The following FBRSL1 variants were observed in gnomAD, a reference collection of about 807,000 sequenced individuals.
The protein encoded by FBRSL1 is fibrosin like 1.
A neutral mutation model predicts 89.6 loss-of-function variants in FBRSL1; 51 were observed. The ratio of observed to expected loss-of-function variants is 0.57; its 90% CI spans 0.45 to 0.72. FBRSL1 has a LOEUF of 0.72. Ranked by LOEUF, FBRSL1 falls within the 30% of genes least tolerant of loss-of-function variation. The probability of loss-of-function intolerance (pLI) is 0.00; values close to 1 mark genes in which losing one functional copy is unlikely to be tolerated. For missense variants in FBRSL1, 1,618 were observed against 1,451.8 expected, an observed-to-expected ratio of 1.11 and a Z score of -1.86; for synonymous variants, 779 against 681.1, an observed-to-expected ratio of 1.14 and a Z score of -2.24.
chr12:132,523,653 C>T (rs2035550189), intron 2 of FBRSL1, among the ~76,000 whole-genome samples: 1 of 152,214 alleles, frequency 6.6e-6, no homozygotes, highest in Admixed American at 6.5e-5. Context: ...GGCAGCCTTT[C>T]CCATCGCTGC....
At chr12:132,496,192 G>A (rs1010860142) in intron 1 of FBRSL1, among the ~76,000 whole-genome samples, 2 of 152,248 alleles carry the variant, frequency 1.3e-5, no homozygotes, top group Admixed American at 1.3e-4. Flanking sequence ...GCACAGTCCT[G>A]CAGCAGGGAG....
In FBRSL1 at chr12:132,528,046, C is replaced by A. The variant is rs996385236; in HGVS notation, c.615+58C>A. ...TCCCCCTGGGGCCTTAGGACCAGGT[C>A]CCCACCTCACCTGTCCGAGGCCCCA... On this transcript the variant is annotated intron_variant, in intron 4 of 18. Coordinates refer to ENST00000680143, the MANE Select transcript of FBRSL1 (RefSeq NM_001367871.1). 3.0e-4 allele frequency: 429 copies of A among 1,430,320 alleles called. No homozygotes were observed. Among genetic ancestry groups the A allele is most frequent in the East Asian group, 1.0e-3 (42 of 40,330 alleles). 88.6% of individuals were successfully genotyped at this position (1,430,320 alleles called of 1,614,324 possible).
intron 2 of FBRSL1, chr12:132,509,117 C>G: frequency 1.7e-6 from 2 of 1,186,020 alleles, no homozygotes; most frequent in Non-Finnish European, 2.1e-6. Context: ...GGGGGTTCCG[C>G]GGGCGGTGAC....
At chr12:132,567,595 C>A in intron 6 of FBRSL1, 69 bp downstream of exon 6, 1 of 1,459,440 alleles carries the variant, frequency 6.9e-7, no homozygotes, top group Non-Finnish European at 9.4e-7. Flanking sequence ...GTCTTGGCGG[C>A]AGGACATCCC....
intron 4 of FBRSL1, among the ~76,000 whole-genome samples, chr12:132,547,356 C>T (rs1017799373): frequency 2.0e-5 from 3 of 152,136 alleles, no homozygotes; most frequent in Non-Finnish European, 4.4e-5. Flanking sequence ...AAACGGAGAA[C>T]GGATTTGTTT....
intron 5 of FBRSL1, among the ~76,000 whole-genome samples, chr12:132,549,621 T>C (rs1391779396): frequency 6.6e-6 from 1 of 152,164 alleles, no homozygotes; most frequent in Non-Finnish European, 1.5e-5. Flanking sequence ...TGGGGCCTAC[T>C]GGGGGCTCCC....
rs1040790047 is a variant in FBRSL1 at position 132,583,316 on chromosome 12, C to T, written c.2547C>T (p.Gly849=). The T allele has an allele frequency of 1.0e-5, 12 of 1,192,896 alleles. No individual in the cohort carries two copies. Among genetic ancestry groups the T allele is most frequent in the Middle Eastern group, 7.0e-4 (2 of 2,874 alleles). 73.9% of individuals were successfully genotyped at this position (1,192,896 alleles called of 1,614,324 possible). The change falls in exon 19 of 19, where the codon GGC becomes GGT. Residue 849 remains glycine (G), a synonymous_variant. Coordinates refer to ENST00000680143, the MANE Select transcript of FBRSL1 (RefSeq NM_001367871.1). The part of the protein sequence containing the change: ...GLGRERLGAP[G]FAWEPFRGLE... ...GCCGCGAGCGCCTGGGCGCGCCGGG[C>T]TTCGCGTGGGAGCCTTTCCGCGGCC...
chr12:132,512,541 C>T (rs893920511), intron 2 of FBRSL1, among the ~76,000 whole-genome samples: 8 of 152,210 alleles, frequency 5.3e-5, no homozygotes, highest in Admixed American at 5.2e-4. Flanking sequence ...GCTGAAGTTG[C>T]CTTCAGACGT....
intron 2 of FBRSL1, among the ~76,000 whole-genome samples, chr12:132,522,842 T>C (rs1473725681): frequency 6.6e-6 from 1 of 151,854 alleles, no homozygotes; most frequent in Admixed American, 6.6e-5. Context: ...CTCCCCGGCC[T>C]GCGCTGCCTT....
At chr12:132,558,496 C>T (rs1049215821) in intron 5 of FBRSL1, among the ~76,000 whole-genome samples, 6 of 152,244 alleles carry the variant, frequency 3.9e-5, no homozygotes, top group Non-Finnish European at 5.9e-5. Flanking sequence ...AAGCGCGTGC[C>T]GTTTTCATGG....
At chr12:132,576,964 A>G in intron 15 of FBRSL1, 33 bp downstream of exon 15, 1 of 1,538,016 alleles carries the variant, frequency 6.5e-7, no homozygotes, top group Non-Finnish European at 8.8e-7. Context: ...TGGGGGGCAC[A>G]GAAACCTCCC....
At chr12:132,531,002 G>GC (rs1249000414) in intron 4 of FBRSL1, among the ~76,000 whole-genome samples, 1 of 150,554 alleles carries the variant, frequency 6.6e-6, no homozygotes, top group Non-Finnish European at 1.5e-5. Context: ...TGTGGGGGGG[G>GC]GGGTGCAGGT....
intron 2 of FBRSL1, among the ~76,000 whole-genome samples, chr12:132,512,854 C>T (rs982949122): frequency 6.6e-6 from 1 of 152,184 alleles, no homozygotes; most frequent in Non-Finnish European, 1.5e-5. Context: ...AGAGGACACC[C>T]GTGGAGGAAA....
At chr12:132,549,987 C>T (rs1410796904) in intron 5 of FBRSL1, among the ~76,000 whole-genome samples, 2 of 152,098 alleles carry the variant, frequency 1.3e-5, no homozygotes, top group African/African-American at 2.4e-5. Flanking sequence ...CAGCTCTGGG[C>T]GGTGTCGGGG....
At position 132,490,836 on chromosome 12, in the gene FBRSL1, G is replaced by T; in HGVS notation, c.266G>T (p.Ser89Ile). The change falls in exon 1 of 19, where the codon AGC (serine) becomes ATC (isoleucine). Residue 89 changes from serine (S) to isoleucine (I), a missense_variant. Physicochemically the swap from Ser to Ile is moderately radical, Grantham distance 142. Transcript: ENST00000680143. ...GTCATCGACGGCTTCGCCATCGCCA[G>T]CTTCAGCACCCTGGAGGCCCTGGAG... ...EEVIDGFAIA[S>I]FSTLEALEKD... is the part of the protein sequence containing the mutation. 1 of 1,416,204 alleles carries T rather than the reference G, an allele frequency of 7.1e-7. No individual in the cohort carries two copies. Among genetic ancestry groups the T allele is most frequent in the African/African-American group, 1.5e-5 (1 of 66,932 alleles). 87.7% of individuals were successfully genotyped at this position (1,416,204 alleles called of 1,614,324 possible).
chr12:132,498,928 T>G (rs113452258), intron 1 of FBRSL1, among the ~76,000 whole-genome samples: 195 of 152,320 alleles, frequency 1.3e-3, no homozygotes, highest in Non-Finnish European at 2.0e-3. Context: ...CCCAGCCAGG[T>G]CCCGTGGCCA....
intron 5 of FBRSL1, among the ~76,000 whole-genome samples, chr12:132,561,852 G>T (rs1378471043): frequency 6.6e-6 from 1 of 152,200 alleles, no homozygotes; most frequent in Non-Finnish European, 1.5e-5. Context: ...TCAGTGCCTG[G>T]TTCATGGCTG....
intron 14 of FBRSL1, among the ~76,000 whole-genome samples, chr12:132,575,713 C>T (rs931894079): frequency 3.3e-5 from 5 of 152,266 alleles, no homozygotes; most frequent in South Asian, 2.1e-4. Context: ...AAGAGGCCGG[C>T]GGTCCAGGGA....
chr12:132,493,457 T>C (rs2031452671), intron 1 of FBRSL1, among the ~76,000 whole-genome samples: 1 of 152,138 alleles, frequency 6.6e-6, no homozygotes, highest in African/African-American at 2.4e-5. Flanking sequence ...GGAGTCCTGT[T>C]ACCTCACCCC....
Sources: allele counts gnomAD v4.1 joint callset (sites outside exome capture counted in the v4.1 genomes callset), GRCh38; gene constraint gnomAD v4.1.1; transcripts MANE v1.5; gene names NCBI Gene and HGNC (gene_info 2026-07-23, HGNC 2026-07-21).